The following EPS8L2 variants were observed in gnomAD, a reference collection of about 807,000 sequenced individuals.
EPS8L2 encodes the protein epidermal growth factor receptor kinase substrate 8-like protein 2.
EPS8L2 carries 81 observed loss-of-function variants against 99.4 expected under a neutral mutation model. That is an observed-to-expected ratio of 0.82 (90% CI 0.68 to 0.98). EPS8L2 has a LOEUF of 0.98. Ranked by LOEUF, EPS8L2 falls within the 50% of genes least tolerant of loss-of-function variation. The pLI is 0.00. For synonymous variants in EPS8L2, 509 were observed against 407.3 expected, an observed-to-expected ratio of 1.25 and a Z score of -3.01; for missense variants, 1,155 against 968.8, an observed-to-expected ratio of 1.19 and a Z score of -2.55.
chr11:710,255 C>T lies in EPS8L2; in HGVS notation c.101-167C>T, dbSNP rs1238444434. 6 of 637,968 alleles carry T rather than the reference C, an allele frequency of 9.4e-6. No individual in the cohort carries two copies. The African/African-American group carries it at 1.1e-4, about 12-fold the overall frequency. The allele number at this position is 637,968 out of a possible 1,614,324, so 39.5% of individuals were successfully genotyped here. ...GGCTTCCCTGGAGGGAGGGAGGGGGCTTCCTGCAGGTCCTGATTTCACACC... is the reference window on the plus strand; with the variant it reads ...GGCTTCCCTGGAGGGAGGGAGGGGGTTTCCTGCAGGTCCTGATTTCACACC... On this transcript the variant is annotated intron_variant, in intron 3 of 20. Coordinates refer to ENST00000318562, the MANE Select transcript of EPS8L2 (RefSeq NM_022772.4).
intron 4 of EPS8L2, among the ~76,000 whole-genome samples, chr11:714,610 T>TTTA (rs1316152992): frequency 1.3e-5 from 2 of 149,224 alleles, no homozygotes; most frequent in African/African-American, 2.4e-5. Flanking sequence ...TTTATTTTAT[T>TTTA]TTATTTTATT....
intron 7 of EPS8L2, 69 bp downstream of exon 7, chr11:720,978 G>GC (rs5789193): frequency 0.19 from 210,376 of 1,092,044 alleles, 30,584 homozygotes; most frequent in East Asian, 0.25. Flanking sequence ...GAGGGGAGGA[G>GC]CCGGCAGGGG....
chr11:723,995 C>G (rs971465660), intron 15 of EPS8L2, among the ~76,000 whole-genome samples: 3 of 152,198 alleles, frequency 2.0e-5, no homozygotes, highest in African/African-American at 7.2e-5. Flanking sequence ...CAGCCTGGCT[C>G]CCGTGGTCCC....
intron 4 of EPS8L2, among the ~76,000 whole-genome samples, chr11:711,126 A>G (rs546004703): frequency 4.9e-4 from 74 of 152,320 alleles, no homozygotes; most frequent in African/African-American, 1.7e-3. Flanking sequence ...CTCAGGGCTC[A>G]GACGGGGCTG....
chr11:726,222 G>A, intron 18 of EPS8L2, 52 bp downstream of exon 18: 2 of 1,571,832 alleles, frequency 1.3e-6, no homozygotes, highest in Non-Finnish European at 1.7e-6. Flanking sequence ...CCACCTGGGG[G>A]AGGAAGTGTG....
At chr11:707,608 G>C (rs1349886689) in intron 1 of EPS8L2, among the ~76,000 whole-genome samples, 1 of 152,142 alleles carries the variant, frequency 6.6e-6, no homozygotes, top group Non-Finnish European at 1.5e-5. Context: ...GCCTCCCCAG[G>C]GGGGCGGGGC....
intron 4 of EPS8L2, among the ~76,000 whole-genome samples, chr11:717,120 G>A (rs1295312179): frequency 6.6e-6 from 1 of 152,146 alleles, no homozygotes; most frequent in South Asian, 2.1e-4. Flanking sequence ...GGGGTTACAG[G>A]CGCCCACCAC....
chr11:718,914 C>T (rs1211872404), intron 4 of EPS8L2, among the ~76,000 whole-genome samples: 7 of 150,546 alleles, frequency 4.6e-5, no homozygotes, highest in South Asian at 4.2e-4. Context: ...GTGATCCACC[C>T]GCCTCGGCCT....
intron 4 of EPS8L2, among the ~76,000 whole-genome samples, chr11:715,618 G>GT (rs929222502): frequency 0.019 from 2,284 of 120,030 alleles, 38 homozygotes; most frequent in African/African-American, 0.025. Context: ...TTTTTCTTTT[G>GT]TTTTTTTTTT....
intron 4 of EPS8L2, among the ~76,000 whole-genome samples, chr11:715,618 GTTTTT>G (rs929222502): frequency 8.3e-6 from 1 of 120,036 alleles, no homozygotes; most frequent in Non-Finnish European, 1.7e-5. Flanking sequence ...TTTTTCTTTT[GTTTTT>G]TTTTTTTTTT....
chr11:711,359 A>T (rs1861887031), intron 4 of EPS8L2, among the ~76,000 whole-genome samples: 1 of 150,790 alleles, frequency 6.6e-6, no homozygotes, highest in Admixed American at 6.6e-5. Context: ...TCATTTTGAG[A>T]CAGGGTCTAG....
intron 4 of EPS8L2, among the ~76,000 whole-genome samples, chr11:712,711 C>G (rs746976997): frequency 6.6e-6 from 1 of 152,222 alleles, no homozygotes; most frequent in African/African-American, 2.4e-5. Context: ...TCAGTTTCCT[C>G]GTCTGTACAA....
At chr11:714,676 T>TTTATTA (rs1554950855) in intron 4 of EPS8L2, among the ~76,000 whole-genome samples, 69 of 149,956 alleles carry the variant, frequency 4.6e-4, no homozygotes, top group Middle Eastern at 3.4e-3. Context: ...TTTATTTTAT[T>TTTATTA]TTTTTTTGAG....
intron 1 of EPS8L2, chr11:708,559 C>G (rs947054088): frequency 4.6e-5 from 7 of 152,292 alleles, no homozygotes; most frequent in Non-Finnish European, 1.0e-4. Context: ...CAGCCCCCAC[C>G]ACACCTGCCC....
rs1190951295 is a variant in EPS8L2, at chr11:727,066, G to C, written c.*85G>C. 1.0e-6 allele frequency: 1 copy of C among 975,996 alleles called. No homozygotes were observed. The highest frequency in any genetic ancestry group is 1.6e-6 in the Non-Finnish European group (1 of 639,620). The allele number at this position is 975,996 out of a possible 1,614,324, so 60.5% of individuals were successfully genotyped here. A position where few individuals can be genotyped will look rare whatever the true frequency, so the allele number is the denominator to read the frequency against. The stretch of plus-strand genomic sequence containing the variant: ...TTATTTTTATATGTGTATGTATTTT[G>C]TATCAAGGACACGGAGGGGGTGTGG... On this transcript the variant is annotated 3_prime_UTR_variant, in exon 21 of 21. Transcript: ENST00000318562.
chr11:717,859 A>G (rs1463518662), intron 4 of EPS8L2, among the ~76,000 whole-genome samples: 1 of 151,940 alleles, frequency 6.6e-6, no homozygotes. Flanking sequence ...AATACAAAAA[A>G]TTAGCCGGGC....
chr11:709,376 C>G lies in EPS8L2; in HGVS notation c.-32C>G, dbSNP rs1861821647. On this transcript the variant is annotated 5_prime_UTR_variant, in exon 2 of 21. Transcript: ENST00000318562. The stretch of plus-strand genomic sequence containing the variant: ...CAGACCGGGGCCACACTGAGGTCTG[C>G]CCTTCTCCCGCTGGCCGCCACCCAA... 6.4e-7 allele frequency: 1 copy of G among 1,561,170 alleles called. No homozygotes were observed. Among genetic ancestry groups the G allele is most frequent in the East Asian group, 2.4e-5 (1 of 41,514 alleles).
chr11:715,175 G>A (rs1023423762), intron 4 of EPS8L2, among the ~76,000 whole-genome samples: 1 of 152,054 alleles, frequency 6.6e-6, no homozygotes, highest in East Asian at 1.9e-4. Flanking sequence ...CCCGGAGGCG[G>A]AGCTTGCAGT....
intron 1 of EPS8L2, among the ~76,000 whole-genome samples, chr11:707,221 C>T (rs775929071): frequency 1.3e-5 from 2 of 152,146 alleles, no homozygotes; most frequent in Non-Finnish European, 2.9e-5. Context: ...GGGCCTTCTC[C>T]GCCTGCCTCG....
Sources: gnomAD v4.1 joint callset for allele counts (sites outside exome capture counted in the v4.1 genomes callset) on GRCh38, gnomAD v4.1.1 for gene constraint, MANE v1.5 for transcripts, NCBI Gene and HGNC (gene_info 2026-07-23, HGNC 2026-07-21) for gene names.